The following ARHGAP25 variants were observed in gnomAD, a reference collection of about 807,000 sequenced individuals.
ARHGAP25 encodes the protein rho GTPase-activating protein 25.
ARHGAP25 carries 34 observed loss-of-function variants against 71.0 expected under a neutral mutation model. The observed-to-expected ratio is 0.48, with a 90% confidence interval of 0.36 to 0.64. The LOEUF (loss-of-function observed/expected upper bound fraction) is 0.64. Ranked by LOEUF, ARHGAP25 falls within the 30% of genes least tolerant of loss-of-function variation. The pLI is 0.00. For missense variants in ARHGAP25, 706 were observed against 805.1 expected, an observed-to-expected ratio of 0.88 and a Z score of 1.49; for synonymous variants, 282 against 296.5, an observed-to-expected ratio of 0.95 and a Z score of 0.50.
chr2:68,718,681 T>C lies in ARHGAP25; in HGVS notation c.-18+7983T>C, dbSNP rs376184457. On this transcript the variant is annotated intron_variant and NMD_transcript_variant, in intron 2 of 7. Transcript: ENST00000463483. Reference sequence around the variant, plus strand: ...CATAGAGCTCCTAAACTTTTCTAATTCCCTAAGTGGTACGGGTACTAGCAG... The same window carrying C: ...CATAGAGCTCCTAAACTTTTCTAATCCCCTAAGTGGTACGGGTACTAGCAG... Among the ~76,000 whole-genome samples the C allele has an allele frequency of 7.2e-5, 11 of 152,258 alleles. 1 individual carries two copies. Among genetic ancestry groups the C allele is most frequent in the African/African-American group, 2.6e-4 (11 of 41,552 alleles).
chr2:68,822,199 A>G, intron 9 of ARHGAP25, 141 bp from the exon 10 acceptor site: 1 of 817,638 alleles, frequency 1.2e-6, no homozygotes, highest in East Asian at 2.5e-5. Context: ...TAATGCAGAT[A>G]ATCAAGTAAT....
intron 4 of ARHGAP25, among the ~76,000 whole-genome samples, chr2:68,804,195 T>G (rs1399778461): frequency 3.3e-5 from 5 of 152,202 alleles, no homozygotes; most frequent in African/African-American, 1.2e-4. Flanking sequence ...CCAAATCATC[T>G]GCAAGGTGGA....
At chr2:68,825,724 G>C (rs990983682) in intron 10 of ARHGAP25, among the ~76,000 whole-genome samples, 1 of 152,032 alleles carries the variant, frequency 6.6e-6, no homozygotes, top group African/African-American at 2.4e-5. Context: ...GCAGTGAGCC[G>C]AGATCGCGTC....
At chr2:68,788,082 GC>G in intron 4 of ARHGAP25, 126 bp downstream of exon 4, 1 of 739,902 alleles carries the variant, frequency 1.4e-6, no homozygotes, top group Non-Finnish European at 2.3e-6. Context: ...TTCTCTGCAT[GC>G]CCATGGCCAA....
At chr2:68,747,399 G>C (rs1469947739) in intron 1 of ARHGAP25, among the ~76,000 whole-genome samples, 2 of 152,134 alleles carry the variant, frequency 1.3e-5, no homozygotes, top group African/African-American at 4.8e-5. Flanking sequence ...TTTCAACATA[G>C]TGACAGCAAA....
At chr2:68,807,510 C>G (rs1295140205) in intron 5 of ARHGAP25, 30 bp downstream of exon 5, 1 of 1,605,246 alleles carries the variant, frequency 6.2e-7, no homozygotes, top group South Asian at 1.1e-5. Flanking sequence ...TGTCCCACCT[C>G]TGCCCTCCCC....
At chr2:68,754,135 C>A (rs1219407541) in intron 1 of ARHGAP25, among the ~76,000 whole-genome samples, 1 of 152,088 alleles carries the variant, frequency 6.6e-6, no homozygotes, top group African/African-American at 2.4e-5. Context: ...GATCTCCTGA[C>A]CATTTTGAAC....
chr2:68,791,552 C>A (rs1305277328), intron 4 of ARHGAP25, among the ~76,000 whole-genome samples: 1 of 151,850 alleles, frequency 6.6e-6, no homozygotes, highest in Non-Finnish European at 1.5e-5. Flanking sequence ...AAAGACCTCC[C>A]TTGGAGAATC....
At chr2:68,712,293 G>C (rs921474759) in intron 2 of ARHGAP25, among the ~76,000 whole-genome samples, 1 of 152,128 alleles carries the variant, frequency 6.6e-6, no homozygotes, top group Non-Finnish European at 1.5e-5. Flanking sequence ...TCATATGTTC[G>C]TTGGCCACAT....
At chr2:68,756,869 T>TA (rs1214420769) in intron 1 of ARHGAP25, among the ~76,000 whole-genome samples, 1 of 152,040 alleles carries the variant, frequency 6.6e-6, no homozygotes, top group Non-Finnish European at 1.5e-5. Context: ...CAAAGACTTT[T>TA]AAAAAAATCT....
At chr2:68,794,764 G>A (rs1679418910) in intron 4 of ARHGAP25, among the ~76,000 whole-genome samples, 1 of 152,094 alleles carries the variant, frequency 6.6e-6, no homozygotes, top group African/African-American at 2.4e-5. Context: ...TCTGGTTTTG[G>A]TATCACGGTG....
intron 9 of ARHGAP25, among the ~76,000 whole-genome samples, chr2:68,820,221 T>C (rs541852151): frequency 6.6e-6 from 1 of 152,346 alleles, no homozygotes; most frequent in Non-Finnish European, 1.5e-5. Flanking sequence ...ATAGCTATTA[T>C]TTTACTCATT....
chr2:68,787,494 C>G (rs1209305372), intron 3 of ARHGAP25, among the ~76,000 whole-genome samples: 1 of 152,248 alleles, frequency 6.6e-6, no homozygotes, highest in Non-Finnish European at 1.5e-5. Flanking sequence ...AGTCTTCTAA[C>G]TTTTATGGGC....
intron 5 of ARHGAP25, among the ~76,000 whole-genome samples, chr2:68,812,503 T>A (rs552211083): frequency 5.3e-5 from 8 of 152,278 alleles, no homozygotes; most frequent in Non-Finnish European, 1.0e-4. Context: ...CCCTAACTCC[T>A]CACCGCCTTT....
intron 1 of ARHGAP25, among the ~76,000 whole-genome samples, chr2:68,747,631 C>G (rs1454376301): frequency 6.6e-6 from 1 of 152,230 alleles, no homozygotes; most frequent in Non-Finnish European, 1.5e-5. Context: ...ACATCTCCAC[C>G]TGAATATCTC....
chr2:68,807,562 G>T, intron 5 of ARHGAP25, 82 bp downstream of exon 5: 1 of 1,388,506 alleles, frequency 7.2e-7, no homozygotes, highest in Non-Finnish European at 1.0e-6. Flanking sequence ...TTCCAGTTGA[G>T]CTATGGGACT....
In ARHGAP25 at chr2:68,822,384, C is replaced by A; in HGVS notation, c.1245C>A (p.Ser415Arg). 6.2e-7 allele frequency: 1 copy of A among 1,614,068 alleles called. No homozygotes were observed. Residue 415 changes from serine to arginine, a missense_variant, in exon 10 of 11, where the codon AGC (serine) becomes AGA (arginine). Ser to Arg is a moderately radical substitution (Grantham distance 110, BLOSUM62 -1). Transcript: ENST00000409202. ...CCAGCCCCACCGGACAGCAGCCGAG[C>A]GATGCGTTTCCGGAGGACAGCAGCA... is the stretch of plus-strand genomic sequence containing the variant. ...DTTSPTGQQP[S>R]DAFPEDSSKV...
intron 2 of ARHGAP25, among the ~76,000 whole-genome samples, chr2:68,712,941 G>A (rs181288994): frequency 3.7e-4 from 57 of 152,244 alleles, no homozygotes; most frequent in African/African-American, 1.3e-3. Context: ...GTCAGGTAGC[G>A]TGATGCCTCC....
At chr2:68,734,775 A>AC, upstream of ARHGAP25, 1 of 181,054 alleles carries the variant, frequency 5.5e-6, no homozygotes, top group Non-Finnish European at 1.1e-5. Context: ...GTTAAAAAAG[A>AC]AACACACACA....
Sources: allele counts gnomAD v4.1 joint callset (sites outside exome capture counted in the v4.1 genomes callset), GRCh38; gene constraint gnomAD v4.1.1; transcripts MANE v1.5; gene names NCBI Gene and HGNC (gene_info 2026-07-23, HGNC 2026-07-21).